The following STAG1 variants were observed in gnomAD, a reference collection of about 807,000 sequenced individuals.
STAG1 encodes the protein STAG1 cohesin complex component.
In STAG1, 26 loss-of-function variants were observed where a neutral mutation model predicts 170.9. That is an observed-to-expected ratio of 0.15 (90% CI 0.11 to 0.21). STAG1 has a LOEUF of 0.21. Among genes scored for constraint, STAG1 ranks in the 10% least tolerant of loss-of-function variants. The pLI is 1.00. For synonymous variants in STAG1, 514 were observed against 497.7 expected, an observed-to-expected ratio of 1.03 and a Z score of -0.44; for missense variants, 964 against 1,509.5, an observed-to-expected ratio of 0.64 and a Z score of 5.99.
At chr3:136,433,734 TAA>T (rs931906246) in intron 15 of STAG1, 75 bp from the exon 16 acceptor site, 2 of 994,320 alleles carry the variant, frequency 2.0e-6, no homozygotes, top group African/African-American at 3.3e-5. Flanking sequence ...AACACATTAT[TAA>T]AAAAACTGAA....
At chr3:136,599,563 T>C (rs533408093) in intron 4 of STAG1, among the ~76,000 whole-genome samples, 29 of 151,898 alleles carry the variant, frequency 1.9e-4, no homozygotes, top group African/African-American at 6.3e-4. Context: ...AATAAATCCT[T>C]CATCTCTTTT....
chr3:136,733,201 C>T (rs777876983), intron 1 of STAG1, among the ~76,000 whole-genome samples: 1 of 151,668 alleles, frequency 6.6e-6, no homozygotes, highest in Non-Finnish European at 1.5e-5. Context: ...CCTCCCACCT[C>T]AGCCTCCAGA....
chr3:136,645,118 G>A (rs1940956052), intron 1 of STAG1, among the ~76,000 whole-genome samples: 1 of 152,158 alleles, frequency 6.6e-6, no homozygotes, highest in African/African-American at 2.4e-5. Context: ...TCTGTATGTA[G>A]TTATCTGGGA....
In STAG1 at chr3:136,343,814, C is replaced by T; in HGVS notation, c.3446+18G>A. 1 of 1,500,440 alleles carries T rather than the reference C, an allele frequency of 6.7e-7. No homozygotes were observed. The highest frequency in any genetic ancestry group is 8.9e-7 in the Non-Finnish European group (1 of 1,123,276). The allele number at this position is 1,500,440 out of a possible 1,614,324, so 92.9% of individuals were successfully genotyped here. Reference sequence around the variant, plus strand: ...CTTTAAAGGCTTTTTGTGAAAAAGACAAATTTTTGCTACTTACTTGTGTAA... The same window carrying T: ...CTTTAAAGGCTTTTTGTGAAAAAGATAAATTTTTGCTACTTACTTGTGTAA... On this transcript the variant is annotated intron_variant, in intron 30 of 33. Coordinates refer to ENST00000383202, the MANE Select transcript of STAG1 (RefSeq NM_005862.3).
chr3:136,611,658 C>CTTTTT (rs760493827), intron 3 of STAG1, among the ~76,000 whole-genome samples: 2 of 72,566 alleles, frequency 2.8e-5, no homozygotes, highest in African/African-American at 5.9e-5. Flanking sequence ...CCACACCCAG[C>CTTTTT]TTTTTTTTTT....
rs563442547 is a variant in STAG1, at chr3:136,351,773, T to A, written c.3066-2410A>T. Among the ~76,000 whole-genome samples the A allele has an allele frequency of 8.8e-4, 134 of 152,266 alleles. 1 individual carries two copies. Among genetic ancestry groups the A allele is most frequent in the African/African-American group, 3.0e-3 (125 of 41,552 alleles). On this transcript the variant is annotated intron_variant, in intron 28 of 33. Coordinates refer to ENST00000383202, the MANE Select transcript of STAG1 (RefSeq NM_005862.3). ...AGAGAGGTATCTTCCAAGCTGCTAGTCCCTGGCCTAAAATGTGGGTCAAAA... is the reference window on the plus strand; with the variant it reads ...AGAGAGGTATCTTCCAAGCTGCTAGACCCTGGCCTAAAATGTGGGTCAAAA...
chr3:136,750,148 T>C (rs925831868), intron 1 of STAG1, among the ~76,000 whole-genome samples: 12 of 152,236 alleles, frequency 7.9e-5, no homozygotes, highest in African/African-American at 2.9e-4. Flanking sequence ...CACAGACATC[T>C]TGTTACACAA....
In STAG1 at chr3:136,371,617, T is replaced by C. The variant is rs181030777; in HGVS notation, c.2371-2335A>G. Among the ~76,000 whole-genome samples the C allele has an allele frequency of 7.6e-3, 1,164 of 152,332 alleles. 19 individuals are homozygous for C. Among genetic ancestry groups the C allele is most frequent in the African/African-American group, 0.027 (1,132 of 41,566 alleles). On this transcript the variant is annotated intron_variant, in intron 23 of 33. Coordinates refer to ENST00000383202, the MANE Select transcript of STAG1 (RefSeq NM_005862.3). ...GCACCATTTATTAAATAGGGAATCC[T>C]TTCCACATTGCTTGTTTTTCTCAGG...
chr3:136,416,983 A>G (rs1051142206), intron 21 of STAG1, among the ~76,000 whole-genome samples: 1 of 151,472 alleles, frequency 6.6e-6, no homozygotes, highest in Non-Finnish European at 1.5e-5. Context: ...GTAGCTGGGG[A>G]CTACAGGCGC....
chr3:136,524,098 G>A (rs1396756733), intron 6 of STAG1, among the ~76,000 whole-genome samples: 3 of 152,104 alleles, frequency 2.0e-5, no homozygotes, highest in African/African-American at 7.2e-5. Flanking sequence ...GGTCCCATAT[G>A]AACTTTAAAG....
intron 6 of STAG1, among the ~76,000 whole-genome samples, chr3:136,534,927 T>G (rs1935548677): frequency 6.6e-6 from 1 of 152,160 alleles, no homozygotes; most frequent in South Asian, 2.1e-4. Context: ...AATCAGTATA[T>G]CAAAGGGATA....
At chr3:136,348,860 T>C in intron 29 of STAG1, 1 of 336,120 alleles carries the variant, frequency 3.0e-6, no homozygotes, top group Non-Finnish European at 5.5e-6. Context: ...ACTATCTTAC[T>C]TTATATTTTA....
chr3:136,652,381 G>A (rs1941247673), intron 1 of STAG1, among the ~76,000 whole-genome samples: 1 of 152,114 alleles, frequency 6.6e-6, no homozygotes, highest in Non-Finnish European at 1.5e-5. Flanking sequence ...TTTGCCTCAA[G>A]AACACATTTT....
intron 1 of STAG1, among the ~76,000 whole-genome samples, chr3:136,731,605 T>C (rs1576824870): frequency 6.6e-6 from 1 of 152,212 alleles, no homozygotes; most frequent in African/African-American, 2.4e-5. Flanking sequence ...AAGAAGGTAC[T>C]ACCTAAGTTC....
intron 28 of STAG1, among the ~76,000 whole-genome samples, chr3:136,355,424 A>C (rs2108276074): frequency 6.6e-6 from 1 of 151,820 alleles, no homozygotes; most frequent in African/African-American, 2.4e-5. Context: ...TGAAGCAAAA[A>C]CTGACAGAAC....
At chr3:136,415,209 G>T (rs184503340) in intron 21 of STAG1, among the ~76,000 whole-genome samples, 1 of 151,746 alleles carries the variant, frequency 6.6e-6, no homozygotes, top group Admixed American at 6.6e-5. Flanking sequence ...CCTTCAATTT[G>T]AAAAAAACCA....
chr3:136,649,209 C>T (rs949969988), intron 1 of STAG1, among the ~76,000 whole-genome samples: 11 of 152,086 alleles, frequency 7.2e-5, no homozygotes, highest in African/African-American at 2.4e-4. Flanking sequence ...AGGCCAGGGG[C>T]GGTGGCTTGT....
chr3:136,563,449 C>T lies in STAG1; in HGVS notation c.394+5316G>A, dbSNP rs187952932. Among the ~76,000 whole-genome samples the T allele has an allele frequency of 7.9e-5, 12 of 152,080 alleles. No homozygotes were observed. The East Asian group carries it at 1.9e-3, about 25-fold the overall frequency. On this transcript the variant is annotated intron_variant, in intron 5 of 33. Coordinates refer to ENST00000383202, the MANE Select transcript of STAG1 (RefSeq NM_005862.3). ...TCCAAAAGTCAGGACTATTCAAAAA[C>T]TATAAAACTATATTCAAATTCAGTA...
rs1276688144 is a variant in STAG1 at position 136,498,233 on chromosome 3, T to TACAC, written c.902+1986_902+1989dup. ...AATTATATATATATATATATATATA[T>TACAC]ACACATACATATACATACACACACA... is the stretch of plus-strand genomic sequence containing the variant. On this transcript the variant is annotated intron_variant, in intron 9 of 33. Transcript: ENST00000383202. Among the ~76,000 whole-genome samples the TACAC allele has an allele frequency of 3.5e-4, 20 of 57,492 alleles. 3 individuals are homozygous for TACAC. The South Asian group carries it at 5.3e-3, about 15-fold the overall frequency. 37.7% of individuals were successfully genotyped at this position (57,492 alleles called of 152,430 possible).
Sources: allele counts gnomAD v4.1 joint callset (sites outside exome capture counted in the v4.1 genomes callset), GRCh38; gene constraint gnomAD v4.1.1; transcripts MANE v1.5; gene names NCBI Gene and HGNC (gene_info 2026-07-23, HGNC 2026-07-21).